Variants in GLIS3 observed in about 807,000 individuals in gnomAD.
GLIS3 encodes GLIS family zinc finger 3, also known as zinc finger protein GLIS3.
In GLIS3, 53 loss-of-function variants were observed where a neutral mutation model predicts 78.6. That is an observed-to-expected ratio of 0.67 (90% CI 0.54 to 0.85). GLIS3 has a LOEUF of 0.85. GLIS3 is among the 40% of genes least tolerant of loss of function. The pLI is 0.00. For missense variants in GLIS3, 1,703 were observed against 1,231.1 expected, an observed-to-expected ratio of 1.38 and a Z score of -5.74; for synonymous variants, 684 against 509.9, an observed-to-expected ratio of 1.34 and a Z score of -4.60.
At chr9:4,294,546 C>G (rs1816312866) in intron 1 of GLIS3, among the ~76,000 whole-genome samples, 1 of 151,960 alleles carries the variant, frequency 6.6e-6, no homozygotes, top group Admixed American at 6.6e-5. Context: ...AAATGAGAAT[C>G]CACATCACAT....
intron 2 of GLIS3, among the ~76,000 whole-genome samples, chr9:4,165,022 T>C (rs1193683489): frequency 6.6e-6 from 1 of 152,172 alleles, no homozygotes; most frequent in East Asian, 1.9e-4. Flanking sequence ...TACTGGGACT[T>C]GTGGAAACCC....
At chr9:4,354,939 AC>A in the GLIS3 span, among the ~76,000 whole-genome samples, 3 of 152,130 alleles carry the variant, frequency 2.0e-5, no homozygotes, top group South Asian at 2.1e-4. Flanking sequence ...ACACGGCGAA[AC>A]CCCATCTCTA....
At chr9:3,848,013 C>T (rs1819165568) in intron 9 of GLIS3, among the ~76,000 whole-genome samples, 1 of 152,198 alleles carries the variant, frequency 6.6e-6, no homozygotes, top group Non-Finnish European at 1.5e-5. Flanking sequence ...ACAACTTTCT[C>T]CATGAAATCT....
At chr9:3,963,036 A>G (rs920409632) in intron 4 of GLIS3, among the ~76,000 whole-genome samples, 1 of 151,952 alleles carries the variant, frequency 6.6e-6, no homozygotes. Context: ...TTGACAAAAG[A>G]CCATGTTAGG....
At chr9:4,388,088 C>T in the GLIS3 span, among the ~76,000 whole-genome samples, 1 of 152,140 alleles carries the variant, frequency 6.6e-6, no homozygotes, top group Non-Finnish European at 1.5e-5. Flanking sequence ...AAGTTTCTTA[C>T]CTGCATTCAG....
chr9:4,226,536 G>C (rs1418632262), intron 2 of GLIS3, among the ~76,000 whole-genome samples: 1 of 152,176 alleles, frequency 6.6e-6, no homozygotes. Flanking sequence ...GCCTAAGGGG[G>C]AGGGAATGGT....
chr9:4,270,197 C>G (rs1475651423), intron 2 of GLIS3, among the ~76,000 whole-genome samples: 1 of 152,202 alleles, frequency 6.6e-6, no homozygotes, highest in East Asian at 1.9e-4. Flanking sequence ...AGCCTATCAC[C>G]ATGTCTGGTG....
At chr9:4,448,342 C>T in the GLIS3 span, among the ~76,000 whole-genome samples, 2 of 152,298 alleles carry the variant, frequency 1.3e-5, no homozygotes, top group African/African-American at 4.8e-5. Flanking sequence ...CCCAGCCTAG[C>T]CACTCAGGCA....
intron 2 of GLIS3, among the ~76,000 whole-genome samples, chr9:4,179,931 T>C (rs1457882511): frequency 6.6e-6 from 1 of 151,980 alleles, no homozygotes; most frequent in East Asian, 1.9e-4. Context: ...AATTAATTTC[T>C]AGCCGCGTTA....
At chr9:4,069,573 C>G (rs1224823032) in intron 4 of GLIS3, among the ~76,000 whole-genome samples, 1 of 152,138 alleles carries the variant, frequency 6.6e-6, no homozygotes, top group African/African-American at 2.4e-5. Flanking sequence ...CTGTCAAATA[C>G]TAGCTTGTTG....
chr9:4,401,175 G>A, the GLIS3 span, among the ~76,000 whole-genome samples: 4 of 152,156 alleles, frequency 2.6e-5, no homozygotes, highest in African/African-American at 9.7e-5. Context: ...GGGCAGTGGA[G>A]AGTCCACTTC....
chr9:4,130,270 C>T (rs561620262), intron 2 of GLIS3, among the ~76,000 whole-genome samples: 73 of 152,226 alleles, frequency 4.8e-4, no homozygotes, highest in Non-Finnish European at 7.9e-4. Flanking sequence ...AAGAAAAAAG[C>T]GTTTTCAGGA....
In GLIS3 at chr9:3,907,403, T is replaced by G. The variant is rs181795525; in HGVS notation, c.1984-8568A>C. 3.3e-5 allele frequency among the ~76,000 whole-genome samples: 5 copies of G among 152,292 alleles called. No homozygotes were observed. In the East Asian group the frequency reaches 9.7e-4, roughly 29 times the overall value. On this transcript the variant is annotated intron_variant, in intron 6 of 10. Coordinates refer to ENST00000381971, the MANE Select transcript of GLIS3 (RefSeq NM_001042413.2). ...GTGAATATGTCTAAAATAGACAACGTGATCCTTTCGTAATTTACTTTCCTA... is the reference window on the plus strand; with the variant it reads ...GTGAATATGTCTAAAATAGACAACGGGATCCTTTCGTAATTTACTTTCCTA...
intron 2 of GLIS3, among the ~76,000 whole-genome samples, chr9:4,283,980 G>C (rs1827775581): frequency 6.6e-6 from 1 of 152,208 alleles, no homozygotes; most frequent in South Asian, 2.1e-4. Flanking sequence ...CCACAGGGAA[G>C]AGAATCAAGA....
intron 2 of GLIS3, among the ~76,000 whole-genome samples, chr9:4,193,521 A>AATT (rs1818519072): frequency 6.6e-6 from 1 of 152,168 alleles, no homozygotes; most frequent in Non-Finnish European, 1.5e-5. Flanking sequence ...GTAACTCAAT[A>AATT]GACAGCTGAG....
At chr9:4,256,385 GACA>G (rs1254782129) in intron 2 of GLIS3, among the ~76,000 whole-genome samples, 5 of 152,030 alleles carry the variant, frequency 3.3e-5, no homozygotes, top group African/African-American at 9.7e-5. Context: ...AAAATACCTG[GACA>G]ACTTTAGTAA....
chr9:3,963,525 A>G (rs559527649), intron 4 of GLIS3, among the ~76,000 whole-genome samples: 2 of 152,256 alleles, frequency 1.3e-5, no homozygotes, highest in South Asian at 4.1e-4. Context: ...CCATCTCCCA[A>G]CTGTTAGTGA....
At chr9:4,333,567 A>T (rs2130570498) in intron 2 of GLIS3, among the ~76,000 whole-genome samples, 1 of 152,274 alleles carries the variant, frequency 6.6e-6, no homozygotes, top group East Asian at 1.9e-4. Context: ...AGTTTCCCAA[A>T]TTTGATACAT....
chr9:3,828,195 A>C lies in GLIS3; in HGVS notation c.*77T>G. The C allele has an allele frequency of 1.3e-6, 2 of 1,546,486 alleles. No homozygotes were observed. The highest frequency in any genetic ancestry group is 1.8e-6 in the Non-Finnish European group (2 of 1,121,430). On this transcript the variant is annotated 3_prime_UTR_variant, in exon 11 of 11. Coordinates refer to ENST00000381971, the MANE Select transcript of GLIS3 (RefSeq NM_001042413.2). ...ATTGGGCTGACATCCTTCCTCAAGC[A>C]GTCTGTGAGAGTACGAAAACAAAAG...
Sources: gnomAD v4.1 joint callset for allele counts (sites outside exome capture counted in the v4.1 genomes callset) on GRCh38, gnomAD v4.1.1 for gene constraint, MANE v1.5 for transcripts, NCBI Gene and HGNC (gene_info 2026-07-23, HGNC 2026-07-21) for gene names.